The following STK35 variants were observed in gnomAD, a reference collection of about 807,000 sequenced individuals.
STK35 encodes serine/threonine kinase 35.
Under a neutral mutation model 37.3 loss-of-function variants are expected in STK35, and 17 were observed. That is an observed-to-expected ratio of 0.46 (90% confidence interval 0.31 to 0.68). The LOEUF (loss-of-function observed/expected upper bound fraction) is 0.68, where lower values mean the gene tolerates loss of function less well. Among genes scored for constraint, STK35 ranks in the 30% least tolerant of loss-of-function variants. STK35 has a pLI of 0.05. For missense variants in STK35, 595 were observed against 746.7 expected (o/e 0.80, Z 2.37); for synonymous variants, 385 against 319.1 (o/e 1.21, Z -2.20).
intron 2 of STK35, among the ~76,000 whole-genome samples, chr20:2,110,895 A>G (rs1363801434): frequency 6.6e-6 from 1 of 152,186 alleles, no homozygotes; most frequent in East Asian, 1.9e-4. Context: ...CTGAGAATCT[A>G]GCCTATGGAA....
At position 2,117,665 on chromosome 20, in the gene STK35, A is replaced by C. The variant is rs1210034088; in HGVS notation, c.*37+250A>C. Among the ~76,000 whole-genome samples the C allele has an allele frequency of 1.3e-5, 2 of 152,106 alleles. No homozygotes were observed. The highest frequency in any genetic ancestry group is 2.9e-5 in the Non-Finnish European group (2 of 68,032). On this transcript the variant is annotated intron_variant, in intron 3 of 3. Transcript: ENST00000381482. The surrounding 1 kb of genome is among the most constrained non-coding windows in gnomAD (Gnocchi z 4.4). ...TCACCATGTTGGCTAGGCTGGTCTCAAACTTCTGACCTCAAGCGATCTGCT... is the reference window on the plus strand; with the variant it reads ...TCACCATGTTGGCTAGGCTGGTCTCCAACTTCTGACCTCAAGCGATCTGCT...
In STK35 at chr20:2,117,168, C is replaced by G. The variant is rs945636398; in HGVS notation, c.1395C>G (p.Thr465=). The change falls in exon 3 of 4, where the codon ACC becomes ACG. Residue 465 remains threonine (T), a synonymous_variant. Coordinates refer to ENST00000381482, the MANE Select transcript of STK35 (RefSeq NM_080836.4). The surrounding 1 kb of genome is among the most constrained non-coding windows in gnomAD (Gnocchi z 4.4). The part of the protein sequence containing the change: ...DSETKKELLG[T]YIKQGTEIVP... ...AGACCAAGAAGGAGCTCCTGGGGAC[C>G]TACATTAAACAGGGGACTGAGATCG... The G allele has an allele frequency of 3.7e-5, 59 of 1,613,920 alleles. No homozygotes were observed. The highest frequency in any genetic ancestry group is 4.7e-5 in the Non-Finnish European group (55 of 1,179,968).
At position 2,147,666 on chromosome 20, in the gene STK35, T is replaced by C. The variant is rs1233766873; in HGVS notation, c.*3920T>C. ...CCCATACGCCCCTCTTCCCCCGACA[T>C]CTGGGGGCGCTGGTGGCACTTACTC... On this transcript the variant is annotated 3_prime_UTR_variant, in exon 4 of 4. Transcript: ENST00000381482. 1 of 152,448 alleles carries C rather than the reference T, an allele frequency of 6.6e-6. No homozygotes were observed. Among genetic ancestry groups the C allele is most frequent in the Non-Finnish European group, 1.5e-5 (1 of 68,302 alleles). 9.4% of individuals were successfully genotyped at this position (152,448 alleles called of 1,614,324 possible).
In STK35 at chr20:2,143,952, TCTTTTC is replaced by T. The variant is rs1187792259; in HGVS notation, c.*207_*212del. Reference sequence around the variant, plus strand: ...TAGTTTTGCTTTATTTTTTTCCTTTTCTTTTCTTTTTTTTTTTTCCTCTTTCCTTTT... The same window carrying T: ...TAGTTTTGCTTTATTTTTTTCCTTTTTTTTTTTTTTTTCCTCTTTCCTTTT... On this transcript the variant is annotated 3_prime_UTR_variant, in exon 4 of 4. Coordinates refer to ENST00000381482, the MANE Select transcript of STK35 (RefSeq NM_080836.4). 19 of 380,432 alleles carry T rather than the reference TCTTTTC, an allele frequency of 5.0e-5. No homozygotes were observed. The highest frequency in any genetic ancestry group is 8.1e-5 in the Non-Finnish European group (17 of 209,170). The allele number at this position is 380,432 out of a possible 1,614,324, so 23.6% of individuals were successfully genotyped here.
intron 3 of STK35, among the ~76,000 whole-genome samples, chr20:2,140,743 G>A (rs1986159842): frequency 6.6e-6 from 1 of 152,174 alleles, no homozygotes; most frequent in Admixed American, 6.5e-5. Flanking sequence ...TTTGGGAAAT[G>A]TCAGCTTCAC....
At chr20:2,116,230 CCTT>C (rs1415284488) in intron 2 of STK35, among the ~76,000 whole-genome samples, 2 of 152,066 alleles carry the variant, frequency 1.3e-5, no homozygotes, top group African/African-American at 4.8e-5. Context: ...TAACAAGAAT[CCTT>C]CTACAAGTCA....
chr20:2,119,804 G>A (rs947641360), intron 3 of STK35, among the ~76,000 whole-genome samples: 8 of 152,238 alleles, frequency 5.3e-5, no homozygotes, highest in Admixed American at 5.2e-4. Context: ...CATCACTTGG[G>A]TGGGTTCCCT....
intron 3 of STK35, among the ~76,000 whole-genome samples, chr20:2,140,952 G>A (rs991039553): frequency 6.6e-6 from 1 of 152,208 alleles, no homozygotes; most frequent in Non-Finnish European, 1.5e-5. Flanking sequence ...CTACCTTCCT[G>A]CTGATGGGCA....
intron 2 of STK35, among the ~76,000 whole-genome samples, chr20:2,115,176 AAAAACCT>A (rs1281857989): frequency 6.6e-6 from 1 of 152,222 alleles, no homozygotes; most frequent in African/African-American, 2.4e-5. Context: ...GATTGTGATC[AAAAACCT>A]AAAGCTTTTG....
chr20:2,140,022 C>T (rs546321969), intron 3 of STK35, among the ~76,000 whole-genome samples: 1 of 152,122 alleles, frequency 6.6e-6, no homozygotes, highest in African/African-American at 2.4e-5. Flanking sequence ...AGCTGGAAAA[C>T]TTTGGATTAA....
At position 2,102,029 on chromosome 20, in the gene STK35, G is replaced by A; in HGVS notation, c.148G>A (p.Ala50Thr). ...GGCTTCCCCAGCGAGCGCCGCGGCA[G>A]CAGAAGGATCCGCTACACGCCGGGC... ...AQASPASAAA[A>T]EGSATRRARA... The change falls in exon 1 of 4, where the codon GCA becomes ACA. Residue 50 changes from alanine (A) to threonine (T), a missense_variant. Ala to Thr is a moderately conservative substitution (Grantham distance 58). Coordinates refer to ENST00000381482, the MANE Select transcript of STK35 (RefSeq NM_080836.4). 4.6e-6 allele frequency: 7 copies of A among 1,527,738 alleles called. No homozygotes were observed. The highest frequency in any genetic ancestry group is 6.1e-6 in the Non-Finnish European group (7 of 1,143,102). The allele number at this position is 1,527,738 out of a possible 1,614,324, so 94.6% of individuals were successfully genotyped here.
intron 3 of STK35, among the ~76,000 whole-genome samples, chr20:2,126,278 G>A (rs911601934): frequency 2.0e-5 from 3 of 152,156 alleles, no homozygotes; most frequent in Admixed American, 6.5e-5. Flanking sequence ...TGGTCTCCTA[G>A]GAACTTAGTT....
intron 2 of STK35, among the ~76,000 whole-genome samples, chr20:2,106,775 T>C (rs1568573494): frequency 6.6e-6 from 1 of 152,152 alleles, no homozygotes; most frequent in African/African-American, 2.4e-5. Context: ...AAATGCATTG[T>C]CTCCTTCCAT....
chr20:2,107,390 GT>G (rs1985535876), intron 2 of STK35, among the ~76,000 whole-genome samples: 1 of 152,354 alleles, frequency 6.6e-6, no homozygotes, highest in South Asian at 2.1e-4. Flanking sequence ...TTTACCAATT[GT>G]TTGATGTCGA....
intron 2 of STK35, among the ~76,000 whole-genome samples, chr20:2,104,911 G>C (rs1241227884): frequency 2.0e-5 from 3 of 152,092 alleles, no homozygotes; most frequent in Admixed American, 6.6e-5. Context: ...CCAGCACTTT[G>C]GGAGGCTGAG....
chr20:2,110,887 G>A (rs56699933), intron 2 of STK35, among the ~76,000 whole-genome samples: 1,617 of 152,316 alleles, frequency 0.011, 23 homozygotes, highest in African/African-American at 0.034. Context: ...TGCTTCTGCT[G>A]AGAATCTAGC....
intron 3 of STK35, among the ~76,000 whole-genome samples, chr20:2,123,883 G>A (rs1047897620): frequency 6.6e-6 from 1 of 152,164 alleles, no homozygotes; most frequent in Admixed American, 6.5e-5. Flanking sequence ...GAGTGTGGCA[G>A]CCTGAGGGGT....
At chr20:2,109,624 G>A (rs1056524054) in intron 2 of STK35, among the ~76,000 whole-genome samples, 4 of 152,178 alleles carry the variant, frequency 2.6e-5, no homozygotes, top group African/African-American at 9.7e-5. Context: ...TTCTTGACAG[G>A]CTGCCTTGTG....
chr20:2,118,180 C>CT (rs1985752943), intron 3 of STK35, among the ~76,000 whole-genome samples: 1 of 152,260 alleles, frequency 6.6e-6, no homozygotes, highest in Non-Finnish European at 1.5e-5. Context: ...CCATGTCATA[C>CT]TTTAGAAGTA....
Sources: gnomAD v4.1 joint callset for allele counts (sites outside exome capture counted in the v4.1 genomes callset) on GRCh38, gnomAD v4.1.1 for gene constraint, Gnocchi (gnomAD v3.1) non-coding constraint, MANE v1.5 for transcripts, NCBI Gene and HGNC (gene_info 2026-07-23, HGNC 2026-07-21) for gene names.